KDM4B: variants seen among roughly 807,000 people sequenced by gnomAD.
KDM4B encodes lysine demethylase 4B.
Under a neutral mutation model 125.2 loss-of-function variants are expected in KDM4B, and 32 were observed. The ratio of observed to expected loss-of-function variants is 0.26; its 90% CI spans 0.19 to 0.34. KDM4B has a LOEUF of 0.34. Among genes scored for constraint, KDM4B ranks in the 10% least tolerant of loss-of-function variants. KDM4B has a pLI of 1.00. For missense variants in KDM4B, 1,190 were observed against 1,577.7 expected, an observed-to-expected ratio of 0.75 and a Z score of 4.16; for synonymous variants, 721 against 677.9, an observed-to-expected ratio of 1.06 and a Z score of -0.99.
At chr19:4,974,625 C>G (rs936441046) in intron 1 of KDM4B, among the ~76,000 whole-genome samples, 2 of 151,148 alleles carry the variant, frequency 1.3e-5, no homozygotes, top group Non-Finnish European at 2.9e-5. Context: ...GTAGTCCCAG[C>G]TACTCGGGAT....
intron 1 of KDM4B, among the ~76,000 whole-genome samples, chr19:5,012,337 C>T (rs911281610): frequency 5.3e-5 from 8 of 152,248 alleles, no homozygotes; most frequent in Admixed American, 1.3e-4. Context: ...AACATCCTGC[C>T]TGTTGTGGCG....
chr19:5,135,302 A>G (rs987914628), intron 14 of KDM4B, 37 bp from the exon 15 acceptor site: 2 of 1,479,336 alleles, frequency 1.4e-6, no homozygotes, highest in Non-Finnish European at 9.4e-7. Context: ...TGCCCCACAC[A>G]TGGCTCTGTC....
rs1032096668 is a variant in KDM4B at position 5,115,859 on chromosome 19, C to T, written c.1116-3794C>T. Among the ~76,000 whole-genome samples the T allele has an allele frequency of 1.3e-5, 2 of 152,064 alleles. No individual in the cohort carries two copies. Among genetic ancestry groups the T allele is most frequent in the African/African-American group, 2.4e-5 (1 of 41,380 alleles). The stretch of plus-strand genomic sequence containing the variant: ...CCTCCCACAGCACTGACAGACAGAG[C>T]TGGAAGATAGGAAGGATCAGGAAGT... On this transcript the variant is annotated intron_variant, in intron 10 of 22. Coordinates refer to ENST00000159111, the MANE Select transcript of KDM4B (RefSeq NM_015015.3). The surrounding 1 kb of genome is among the most constrained non-coding windows in gnomAD (Gnocchi z 4.2).
chr19:5,082,850 C>T lies in KDM4B; in HGVS notation c.918+346C>T, dbSNP rs920155596. Among the ~76,000 whole-genome samples the T allele has an allele frequency of 2.6e-5, 4 of 151,034 alleles. No individual in the cohort carries two copies. Among genetic ancestry groups the T allele is most frequent in the South Asian group, 2.1e-4 (1 of 4,796 alleles). On this transcript the variant is annotated intron_variant, in intron 9 of 22. Coordinates refer to ENST00000159111, the MANE Select transcript of KDM4B (RefSeq NM_015015.3). The surrounding 1 kb of genome is among the most constrained non-coding windows in gnomAD (Gnocchi z 5.4). ...GTGTTTCCTCCACCAGCACCATTGTCCCCCCTGCTGGCTGGCTCCTGGGCA... is the reference window on the plus strand; with the variant it reads ...GTGTTTCCTCCACCAGCACCATTGTTCCCCCTGCTGGCTGGCTCCTGGGCA...
chr19:5,065,646 C>T (rs531450212), intron 6 of KDM4B, among the ~76,000 whole-genome samples: 66 of 152,328 alleles, frequency 4.3e-4, no homozygotes, highest in Middle Eastern at 6.8e-3. Context: ...AGCGTGGCGG[C>T]GAGATGACAG....
rs1340827362 is a variant in KDM4B, at chr19:5,081,952, G to A, written c.781-415G>A. Reference sequence around the variant, plus strand: ...TCAGGACATGTCACAGTGACTGTGAGTGTGACTCAGCCACCTCCAAAGCAG... The same window carrying A: ...TCAGGACATGTCACAGTGACTGTGAATGTGACTCAGCCACCTCCAAAGCAG... On this transcript the variant is annotated intron_variant, in intron 8 of 22. Coordinates refer to ENST00000159111, the MANE Select transcript of KDM4B (RefSeq NM_015015.3). The surrounding 1 kb of genome is among the most constrained non-coding windows in gnomAD (Gnocchi z 4.2). Among the ~76,000 whole-genome samples the A allele has an allele frequency of 1.3e-5, 2 of 152,224 alleles. No individual in the cohort carries two copies. Among genetic ancestry groups the A allele is most frequent in the African/African-American group, 2.4e-5 (1 of 41,466 alleles).
intron 11 of KDM4B, among the ~76,000 whole-genome samples, chr19:5,125,044 C>T (rs1282467874): frequency 2.0e-5 from 3 of 152,028 alleles, no homozygotes; most frequent in Non-Finnish European, 2.9e-5. Flanking sequence ...GGACTGTGGA[C>T]GTGCACCGCA....
chr19:5,013,509 A>G (rs1471192439), intron 1 of KDM4B, among the ~76,000 whole-genome samples: 1 of 152,162 alleles, frequency 6.6e-6, no homozygotes, highest in Non-Finnish European at 1.5e-5. Context: ...CTGGGCTAAA[A>G]TCATGATGTG....
At chr19:5,089,608 A>C (rs2038622788) in intron 9 of KDM4B, among the ~76,000 whole-genome samples, 1 of 152,024 alleles carries the variant, frequency 6.6e-6, no homozygotes, top group Non-Finnish European at 1.5e-5. Flanking sequence ...GATTTGCCCA[A>C]GTATTGGTTG....
chr19:5,059,306 A>T (rs2037508649), intron 6 of KDM4B, among the ~76,000 whole-genome samples: 1 of 152,254 alleles, frequency 6.6e-6, no homozygotes, highest in Non-Finnish European at 1.5e-5. Flanking sequence ...AGCAGGGGAC[A>T]GGAGCGCTGG....
chr19:5,149,673 G>A (rs1224711847), intron 21 of KDM4B, among the ~76,000 whole-genome samples: 4 of 152,212 alleles, frequency 2.6e-5, no homozygotes, highest in African/African-American at 9.6e-5. Context: ...GTTGCCAGAG[G>A]GCCCCTGAGA....
chr19:5,027,639 C>G (rs1383546053), intron 2 of KDM4B, among the ~76,000 whole-genome samples: 2 of 149,944 alleles, frequency 1.3e-5, no homozygotes, highest in African/African-American at 4.9e-5. Flanking sequence ...CTCCCGGGTT[C>G]AAGCAATTCT....
At chr19:5,033,737 G>GT (rs1349177243) in intron 3 of KDM4B, among the ~76,000 whole-genome samples, 2 of 152,128 alleles carry the variant, frequency 1.3e-5, no homozygotes, top group Non-Finnish European at 2.9e-5. Context: ...AAGCAGCACT[G>GT]TTATTGGTTC....
chr19:5,005,996 A>T (rs535675353), intron 1 of KDM4B, among the ~76,000 whole-genome samples: 2 of 151,846 alleles, frequency 1.3e-5, no homozygotes, highest in Non-Finnish European at 2.9e-5. Context: ...GGCCTCCATC[A>T]CCTGATCTGG....
rs75588474 is a variant in KDM4B at position 5,086,504 on chromosome 19, C to T, written c.918+4000C>T. On this transcript the variant is annotated intron_variant, in intron 9 of 22. Coordinates refer to ENST00000159111, the MANE Select transcript of KDM4B (RefSeq NM_015015.3). Reference sequence around the variant, plus strand: ...GAGCCACACTCTGGCATGGAGGTGGCGTCTGCGTCTGCTTCGCCCCGCGGA... The same window carrying T: ...GAGCCACACTCTGGCATGGAGGTGGTGTCTGCGTCTGCTTCGCCCCGCGGA... Among the ~76,000 whole-genome samples, 138 of 152,332 alleles carry T rather than the reference C, an allele frequency of 9.1e-4. 1 individual carries two copies. The highest frequency in any genetic ancestry group is 3.0e-3 in the African/African-American group (126 of 41,568).
chr19:5,048,950 C>T (rs561823306), intron 6 of KDM4B, among the ~76,000 whole-genome samples: 9 of 152,302 alleles, frequency 5.9e-5, no homozygotes, highest in African/African-American at 2.2e-4. Flanking sequence ...GTGAGTCAGA[C>T]GTGAGGACTT....
chr19:5,010,770 C>A (rs574090022), intron 1 of KDM4B, among the ~76,000 whole-genome samples: 1 of 152,226 alleles, frequency 6.6e-6, no homozygotes, highest in African/African-American at 2.4e-5. Context: ...GCCTCAGCCT[C>A]CCGAGTAGCT....
intron 6 of KDM4B, among the ~76,000 whole-genome samples, chr19:5,057,917 G>A (rs1019117604): frequency 4.6e-5 from 7 of 152,210 alleles, no homozygotes; most frequent in African/African-American, 1.4e-4. Context: ...GCAGGGATGC[G>A]GGGACCGAGG....
At chr19:5,047,423 G>A (rs1442436741) in intron 5 of KDM4B, 53 bp from the exon 6 acceptor site, 15 of 1,518,630 alleles carry the variant, frequency 9.9e-6, no homozygotes, top group African/African-American at 2.8e-5. Flanking sequence ...CCCAGGGCTC[G>A]CAGGTTCTGG....
Sources: allele counts gnomAD v4.1 joint callset (sites outside exome capture counted in the v4.1 genomes callset), GRCh38; gene constraint gnomAD v4.1.1; non-coding constraint Gnocchi (gnomAD v3.1); transcripts MANE v1.5; gene names NCBI Gene and HGNC (gene_info 2026-07-23, HGNC 2026-07-21).